Variants in ZMAT4 observed in about 807,000 individuals in gnomAD.
ZMAT4 encodes the protein zinc finger matrin-type protein 4.
ZMAT4 carries 17 observed loss-of-function variants against 28.7 expected under a neutral mutation model. That is an observed-to-expected ratio of 0.59 (90% CI 0.41 to 0.89). The LOEUF (loss-of-function observed/expected upper bound fraction) is 0.89. Ranked by LOEUF, ZMAT4 falls within the 40% of genes least tolerant of loss-of-function variation. The pLI is 0.00. For missense variants in ZMAT4, 240 were observed against 283.8 expected (o/e 0.85, Z 1.11); for synonymous variants, 117 against 109.2 (o/e 1.07, Z -0.44).
At chr8:40,799,821 T>C (rs563027336) in intron 2 of ZMAT4, among the ~76,000 whole-genome samples, 117 of 152,276 alleles carry the variant, frequency 7.7e-4, no homozygotes, top group Non-Finnish European at 8.8e-4. Context: ...ATTTTGATAT[T>C]ATGAGATACA....
intron 3 of ZMAT4, among the ~76,000 whole-genome samples, chr8:40,713,567 C>T (rs1810714845): frequency 6.6e-6 from 1 of 151,978 alleles, no homozygotes; most frequent in Non-Finnish European, 1.5e-5. Context: ...CTAGTTAACA[C>T]CCCACCAGTT....
At chr8:40,820,609 T>TAC (rs140779464) in intron 2 of ZMAT4, among the ~76,000 whole-genome samples, 12 of 10,784 alleles carry the variant, frequency 1.1e-3, no homozygotes, top group Non-Finnish European at 9.6e-4. Flanking sequence ...GGAGTGCATG[T>TAC]GTGTGTATGT....
intron 6 of ZMAT4, among the ~76,000 whole-genome samples, chr8:40,537,850 C>T (rs774307773): frequency 6.6e-6 from 1 of 152,140 alleles, no homozygotes; most frequent in Non-Finnish European, 1.5e-5. Flanking sequence ...AACATCACAA[C>T]CTGACCTCCA....
At chr8:40,535,204 A>C (rs1329867046) in intron 6 of ZMAT4, among the ~76,000 whole-genome samples, 1 of 152,166 alleles carries the variant, frequency 6.6e-6, no homozygotes, top group Admixed American at 6.5e-5. Flanking sequence ...GCAGCCTTCT[A>C]GCACAAGCCA....
intron 3 of ZMAT4, among the ~76,000 whole-genome samples, chr8:40,752,516 C>T (rs1812494678): frequency 6.6e-6 from 1 of 152,172 alleles, no homozygotes; most frequent in Non-Finnish European, 1.5e-5. Context: ...GGTTTTTCCT[C>T]ACATCCTCCC....
chr8:40,606,476 T>C (rs1805583216), intron 5 of ZMAT4, among the ~76,000 whole-genome samples: 1 of 152,214 alleles, frequency 6.6e-6, no homozygotes, highest in Non-Finnish European at 1.5e-5. Context: ...GGCTGATAAT[T>C]ATTTTGTTTA....
chr8:40,551,981 C>T (rs893095270), intron 6 of ZMAT4, among the ~76,000 whole-genome samples: 7 of 152,122 alleles, frequency 4.6e-5, no homozygotes, highest in Non-Finnish European at 1.0e-4. Flanking sequence ...TAAATGTGCA[C>T]GCCTTAAGAA....
intron 2 of ZMAT4, among the ~76,000 whole-genome samples, chr8:40,788,969 AAGGGAGGGAGGG>A (rs549808170): frequency 7.3e-6 from 1 of 136,386 alleles, no homozygotes; most frequent in African/African-American, 2.8e-5. Context: ...GAGAGAGAGG[AAGGGAGGGAGGG>A]AGGGAGGAAG....
chr8:40,624,997 G>T (rs1806319332), intron 5 of ZMAT4, among the ~76,000 whole-genome samples: 1 of 152,198 alleles, frequency 6.6e-6, no homozygotes, highest in Admixed American at 6.5e-5. Flanking sequence ...AGGTGATGTG[G>T]TAAAAGGAGG....
At chr8:40,679,913 G>C (rs1809081182) in intron 4 of ZMAT4, among the ~76,000 whole-genome samples, 1 of 152,098 alleles carries the variant, frequency 6.6e-6, no homozygotes. Context: ...TACACTATGA[G>C]AGACTAAAGA....
chr8:40,544,376 A>G (rs1803133497), intron 6 of ZMAT4, among the ~76,000 whole-genome samples: 1 of 152,214 alleles, frequency 6.6e-6, no homozygotes, highest in African/African-American at 2.4e-5. Context: ...AGCCACAGGT[A>G]AGACTACATA....
At chr8:40,710,130 G>A (rs1478016042) in intron 3 of ZMAT4, among the ~76,000 whole-genome samples, 1 of 151,886 alleles carries the variant, frequency 6.6e-6, no homozygotes, top group African/African-American at 2.4e-5. Flanking sequence ...TAGAACCAAT[G>A]GGGATAAAGT....
chr8:40,722,889 C>G (rs1287490524), intron 3 of ZMAT4, among the ~76,000 whole-genome samples: 2 of 152,168 alleles, frequency 1.3e-5, no homozygotes, highest in Admixed American at 6.5e-5. Flanking sequence ...TAGTCCTCAA[C>G]ATCACCAACA....
chr8:40,745,906 C>T (rs897294696), intron 3 of ZMAT4, among the ~76,000 whole-genome samples: 21 of 152,130 alleles, frequency 1.4e-4, no homozygotes, highest in African/African-American at 5.1e-4. Flanking sequence ...ATTTTTATTT[C>T]ATCCTCTAGA....
At chr8:40,750,846 C>T (rs1812426428) in intron 3 of ZMAT4, among the ~76,000 whole-genome samples, 1 of 152,254 alleles carries the variant, frequency 6.6e-6, no homozygotes, top group African/African-American at 2.4e-5. Flanking sequence ...CCTTGCAGAA[C>T]TGAAGTTAGA....
intron 5 of ZMAT4, among the ~76,000 whole-genome samples, chr8:40,662,559 T>G (rs1808246673): frequency 6.6e-6 from 1 of 152,154 alleles, no homozygotes; most frequent in Admixed American, 6.6e-5. Context: ...ATGGAAGACT[T>G]AACCAAGCGT....
chr8:40,745,467 T>A (rs1585981497), intron 3 of ZMAT4, among the ~76,000 whole-genome samples: 1 of 152,282 alleles, frequency 6.6e-6, no homozygotes, highest in East Asian at 1.9e-4. Context: ...AGTTTTATTG[T>A]TGTTTCAGGT....
At chr8:40,577,550 G>A (rs910777066) in intron 6 of ZMAT4, among the ~76,000 whole-genome samples, 1 of 152,036 alleles carries the variant, frequency 6.6e-6, no homozygotes, top group South Asian at 2.1e-4. Flanking sequence ...GAAAATATTG[G>A]TTAATAGATA....
rs1030596772 is a variant in ZMAT4 at position 40,846,226 on chromosome 8, T to C, written c.-4-20546A>G. ...ACTTGGCGGTGTTTCTTTTCTTATATATAACCTTTTACATCTCTCTCTCTC... is the reference window on the plus strand; with the variant it reads ...ACTTGGCGGTGTTTCTTTTCTTATACATAACCTTTTACATCTCTCTCTCTC... On this transcript the variant is annotated intron_variant, in intron 1 of 6. Coordinates refer to ENST00000297737, the MANE Select transcript of ZMAT4 (RefSeq NM_024645.3). Among the ~76,000 whole-genome samples the C allele has an allele frequency of 6.6e-5, 10 of 152,312 alleles. No homozygotes were observed. The East Asian group carries it at 1.5e-3, about 24-fold the overall frequency.
Sources: allele counts gnomAD v4.1 joint callset (sites outside exome capture counted in the v4.1 genomes callset), GRCh38; gene constraint gnomAD v4.1.1; transcripts MANE v1.5; gene names NCBI Gene and HGNC (gene_info 2026-07-23, HGNC 2026-07-21).